LRRTM4: variants seen among roughly 807,000 people sequenced by gnomAD.
LRRTM4 encodes leucine rich repeat transmembrane neuronal 4.
Under a neutral mutation model 47.6 loss-of-function variants are expected in LRRTM4, and 25 were observed. That is an observed-to-expected ratio of 0.53 (90% confidence interval 0.38 to 0.73). The LOEUF (loss-of-function observed/expected upper bound fraction) is 0.73. LRRTM4 is among the 30% of genes least tolerant of loss of function. The pLI is 0.00. For synonymous variants in LRRTM4, 311 were observed against 269.5 expected, an observed-to-expected ratio of 1.15 and a Z score of -1.51; for missense variants, 638 against 713.4, an observed-to-expected ratio of 0.89 and a Z score of 1.20.
chr2:77,292,668 AG>A (rs1181432636), intron 3 of LRRTM4, among the ~76,000 whole-genome samples: 1 of 123,688 alleles, frequency 8.1e-6, no homozygotes, highest in Non-Finnish European at 1.6e-5. Context: ...GGACACAGGA[AG>A]GGGAACATCA....
intron 3 of LRRTM4, among the ~76,000 whole-genome samples, chr2:77,260,848 G>A (rs1162933659): frequency 6.6e-6 from 1 of 152,116 alleles, no homozygotes; most frequent in Non-Finnish European, 1.5e-5. Flanking sequence ...TTATGTGAAT[G>A]TATGACGCTA....
At chr2:77,366,409 G>A (rs552768082) in intron 3 of LRRTM4, among the ~76,000 whole-genome samples, 1 of 151,862 alleles carries the variant, frequency 6.6e-6, no homozygotes, top group East Asian at 1.9e-4. Flanking sequence ...AATACTTCAA[G>A]GCTTATTCCT....
intron 3 of LRRTM4, among the ~76,000 whole-genome samples, chr2:77,077,763 C>T (rs1468537360): frequency 6.6e-6 from 1 of 152,136 alleles, no homozygotes; most frequent in Non-Finnish European, 1.5e-5. Context: ...GCTTCTCAGT[C>T]TGTCTTTATA....
chr2:76,937,490 G>C (rs541070186), intron 3 of LRRTM4, among the ~76,000 whole-genome samples: 47 of 152,286 alleles, frequency 3.1e-4, no homozygotes, highest in African/African-American at 9.9e-4. Flanking sequence ...TTGAGCTAAT[G>C]CATCAAATCA....
At chr2:76,752,848 C>T (rs2104057457) in intron 3 of LRRTM4, among the ~76,000 whole-genome samples, 1 of 152,172 alleles carries the variant, frequency 6.6e-6, no homozygotes, top group Middle Eastern at 3.4e-3. Flanking sequence ...TTCTCAGAGC[C>T]TCTCCAAATG....
intron 3 of LRRTM4, among the ~76,000 whole-genome samples, chr2:77,083,062 A>T (rs1419931009): frequency 6.6e-6 from 1 of 152,218 alleles, no homozygotes; most frequent in Non-Finnish European, 1.5e-5. Context: ...TCTATATTAA[A>T]AACTGTATTC....
At chr2:77,213,755 A>G (rs1411189517) in intron 3 of LRRTM4, among the ~76,000 whole-genome samples, 1 of 152,132 alleles carries the variant, frequency 6.6e-6, no homozygotes, top group African/African-American at 2.4e-5. Context: ...CTAATATGCC[A>G]GCTCCCTTCC....
chr2:77,064,094 T>A (rs1375783124), intron 3 of LRRTM4, among the ~76,000 whole-genome samples: 2 of 152,164 alleles, frequency 1.3e-5, no homozygotes, highest in African/African-American at 4.8e-5. Flanking sequence ...AATGTAACTA[T>A]GCAACATGGA....
intron 3 of LRRTM4, among the ~76,000 whole-genome samples, chr2:77,003,613 G>A (rs113169801): frequency 6.6e-5 from 10 of 152,112 alleles, no homozygotes; most frequent in South Asian, 4.1e-4. Flanking sequence ...TTGCCATGTA[G>A]AATTATGAGT....
At chr2:76,995,437 C>G (rs1427354807) in intron 3 of LRRTM4, among the ~76,000 whole-genome samples, 2 of 151,946 alleles carry the variant, frequency 1.3e-5, no homozygotes, top group Admixed American at 6.6e-5. Flanking sequence ...CACCATATAG[C>G]TATCTCAGTG....
chr2:77,414,399 A>T (rs17014066), intron 3 of LRRTM4, among the ~76,000 whole-genome samples: 8,954 of 152,156 alleles, frequency 0.059, 911 homozygotes, highest in African/African-American at 0.2. Context: ...TGAACAGTTT[A>T]TTTACTTGTG....
chr2:77,435,665 T>C (rs1190229949), intron 3 of LRRTM4, among the ~76,000 whole-genome samples: 1 of 152,066 alleles, frequency 6.6e-6, no homozygotes, highest in East Asian at 1.9e-4. Context: ...AGAGTGAATA[T>C]AATACTTCCT....
chr2:76,863,539 A>G (rs1401046423), intron 3 of LRRTM4, among the ~76,000 whole-genome samples: 6 of 152,176 alleles, frequency 3.9e-5, no homozygotes, highest in Non-Finnish European at 7.4e-5. Flanking sequence ...TGTAGTAGGT[A>G]TAAGATACAA....
intron 3 of LRRTM4, among the ~76,000 whole-genome samples, chr2:77,452,130 T>C (rs1366750008): frequency 6.6e-6 from 1 of 152,114 alleles, no homozygotes; most frequent in Non-Finnish European, 1.5e-5. Context: ...AGGTTTTAAT[T>C]AGAGGAGTCT....
chr2:77,048,692 T>C (rs1679313695), intron 3 of LRRTM4, among the ~76,000 whole-genome samples: 1 of 151,354 alleles, frequency 6.6e-6, no homozygotes, highest in Non-Finnish European at 1.5e-5. Flanking sequence ...GATATTTTGA[T>C]ACATGCATAC....
At chr2:77,209,146 T>G (rs77612220) in intron 3 of LRRTM4, among the ~76,000 whole-genome samples, 2,366 of 152,272 alleles carry the variant, frequency 0.016, 79 homozygotes, top group African/African-American at 0.053. Context: ...TGAATGGTTA[T>G]CAAGATTATA....
intron 3 of LRRTM4, among the ~76,000 whole-genome samples, chr2:77,137,822 A>C (rs149197608): frequency 1.8e-3 from 275 of 152,286 alleles, no homozygotes; most frequent in African/African-American, 6.4e-3. Context: ...AGGATTTGCA[A>C]TCCTAGTCTC....
intron 3 of LRRTM4, among the ~76,000 whole-genome samples, chr2:77,018,563 A>G (rs1678156775): frequency 6.6e-6 from 1 of 152,154 alleles, no homozygotes; most frequent in East Asian, 1.9e-4. Context: ...AACCTTTTGC[A>G]TTTCTGGTGA....
At chr2:77,080,432 C>A (rs1236256043) in intron 3 of LRRTM4, among the ~76,000 whole-genome samples, 1 of 152,114 alleles carries the variant, frequency 6.6e-6, no homozygotes, top group Non-Finnish European at 1.5e-5. Flanking sequence ...AAATGCATAT[C>A]CTTATGTTAT....
Sources: allele counts gnomAD v4.1 joint callset (sites outside exome capture counted in the v4.1 genomes callset), GRCh38; gene constraint gnomAD v4.1.1; transcripts MANE v1.5; gene names NCBI Gene and HGNC (gene_info 2026-07-23, HGNC 2026-07-21).